C5: variants seen among roughly 807,000 people sequenced by gnomAD.
C5 encodes the protein C3 and PZP-like alpha-2-macroglobulin domain-containing protein 4.
Under a neutral mutation model 218.8 loss-of-function variants are expected in C5, and 140 were observed. The observed-to-expected ratio is 0.64, with a 90% confidence interval of 0.56 to 0.74. C5 has a LOEUF of 0.74. Ranked by LOEUF, C5 falls within the 30% of genes least tolerant of loss-of-function variation. C5 has a pLI of 0.00. For missense variants in C5, 1,700 were observed against 1,969.6 expected, an observed-to-expected ratio of 0.86 and a Z score of 2.59; for synonymous variants, 614 against 682.3, an observed-to-expected ratio of 0.90 and a Z score of 1.56.
intron 38 of C5, 49 bp from the exon 39 acceptor site, chr9:120,957,417 A>C: frequency 7.2e-7 from 1 of 1,381,302 alleles, no homozygotes; most frequent in Non-Finnish European, 1.0e-6. Flanking sequence ...AATACTATTA[A>C]TGCTATGTCC....
At chr9:121,026,854 G>T (rs2047428315) in intron 8 of C5, among the ~76,000 whole-genome samples, 1 of 152,070 alleles carries the variant, frequency 6.6e-6, no homozygotes, top group African/African-American at 2.4e-5. Flanking sequence ...ATGGGAAAGA[G>T]CATTTTCAAG....
At position 120,989,578 on chromosome 9, in the gene C5, T is replaced by C; in HGVS notation, c.3144A>G (p.Lys1048=). The C allele has an allele frequency of 6.2e-7, 1 of 1,601,538 alleles. No homozygotes were observed. Among genetic ancestry groups the C allele is most frequent in the Non-Finnish European group, 8.5e-7 (1 of 1,171,482 alleles). ...ACTTTTTTTTTTTACCTTCTTTTAA[T>C]TTTTTCTTCAGTTTCTGCTTTTCAA... is the stretch of plus-strand genomic sequence containing the variant. ...PLIEKQKLKK[K]LKEGMLSIMS... Residue 1048 remains lysine, a synonymous_variant, in exon 24 of 41, where the codon AAA becomes AAG. Transcript: ENST00000223642.
the C5 span, among the ~76,000 whole-genome samples, chr9:121,067,566 TA>T: frequency 0.034 from 4,124 of 121,452 alleles, 139 homozygotes; most frequent in African/African-American, 0.1. Flanking sequence ...AGGCTCCATC[TA>T]AAAAAAAAAA....
At chr9:120,977,532 T>C (rs1207080967) in intron 28 of C5, among the ~76,000 whole-genome samples, 3 of 152,176 alleles carry the variant, frequency 2.0e-5, no homozygotes, top group Non-Finnish European at 4.4e-5. Flanking sequence ...TGTAGCTCAC[T>C]GCAGCCTCAA....
chr9:121,010,636 C>G (rs2047254021), intron 17 of C5, among the ~76,000 whole-genome samples: 1 of 151,970 alleles, frequency 6.6e-6, no homozygotes, highest in African/African-American at 2.4e-5. Flanking sequence ...GAAAAAAAAT[C>G]CTAAAATTCA....
chr9:120,957,238 C>G, intron 39 of C5, 47 bp downstream of exon 39: 1 of 1,260,456 alleles, frequency 7.9e-7, no homozygotes, highest in Non-Finnish European at 1.2e-6. Flanking sequence ...ATAGTCAGTA[C>G]TAAATAGTTG....
At chr9:120,983,470 T>C (rs931615413) in intron 25 of C5, among the ~76,000 whole-genome samples, 1 of 152,222 alleles carries the variant, frequency 6.6e-6, no homozygotes, top group Non-Finnish European at 1.5e-5. Flanking sequence ...TCCTCAAATG[T>C]CTGAGACTCA....
At chr9:121,001,544 T>C (rs530393228) in intron 20 of C5, among the ~76,000 whole-genome samples, 49 of 152,322 alleles carry the variant, frequency 3.2e-4, no homozygotes, top group African/African-American at 1.0e-3. Flanking sequence ...TTAAATATTA[T>C]GTAGTTGTAT....
At chr9:121,030,567 G>T in intron 6 of C5, 80 bp from the exon 7 acceptor site, 1 of 755,104 alleles carries the variant, frequency 1.3e-6, no homozygotes, top group Non-Finnish European at 2.2e-6. Flanking sequence ...TAGACTTTCT[G>T]GTATAGTTGG....
At chr9:121,029,368 A>G (rs774819562) in intron 7 of C5, among the ~76,000 whole-genome samples, 3 of 152,230 alleles carry the variant, frequency 2.0e-5, no homozygotes, top group Non-Finnish European at 4.4e-5. Context: ...AGGCTGTGCA[A>G]CTTACTAGCT....
the C5 span, among the ~76,000 whole-genome samples, chr9:121,065,024 T>G: frequency 6.6e-6 from 1 of 152,068 alleles, no homozygotes; most frequent in Non-Finnish European, 1.5e-5. Context: ...AGGCCAAGAT[T>G]GTGCCACTGT....
chr9:120,968,843 CAGAAGACAAAACAGACAG>C (rs2046888256), intron 33 of C5, among the ~76,000 whole-genome samples, 200 bp downstream of exon 33: 1 of 152,120 alleles, frequency 6.6e-6, no homozygotes, highest in Non-Finnish European at 1.5e-5. Context: ...CTGTTTGAAT[CAGAAGACAAAACAGACAG>C]AGAAAACTAT....
intron 20 of C5, among the ~76,000 whole-genome samples, chr9:121,005,377 T>C (rs1437102392): frequency 6.6e-6 from 1 of 152,024 alleles, no homozygotes; most frequent in Non-Finnish European, 1.5e-5. Context: ...TAAAGGACAA[T>C]AAAAGGGATT....
intron 18 of C5, 96 bp downstream of exon 18, chr9:121,008,312 T>C (rs895046472): frequency 1.8e-5 from 16 of 873,720 alleles, no homozygotes; most frequent in Admixed American, 9.0e-5. Flanking sequence ...TTAACTCCTA[T>C]GCAAGCTATT....
intron 30 of C5, among the ~76,000 whole-genome samples, chr9:120,973,269 T>G (rs947157737): frequency 6.6e-6 from 1 of 152,126 alleles, no homozygotes; most frequent in African/African-American, 2.4e-5. Context: ...ATTATCCCTA[T>G]AGAGAAGAAT....
the C5 span, among the ~76,000 whole-genome samples, chr9:121,061,572 T>C: frequency 1.3e-5 from 2 of 152,196 alleles, no homozygotes; most frequent in Admixed American, 6.5e-5. Context: ...CTTTCATCTG[T>C]AGTCTTTCCC....
chr9:121,049,612 T>C (rs2047656291), intron 1 of C5, among the ~76,000 whole-genome samples: 1 of 152,174 alleles, frequency 6.6e-6, no homozygotes, highest in Non-Finnish European at 1.5e-5. Context: ...ATATATAAAA[T>C]GAATAGGTTT....
rs909470612 is a variant in C5, at chr9:121,017,653, T to C, written c.1706A>G (p.Asn569Ser). Reference sequence around the variant, plus strand: ...TAATTTGTGGCTTACCTGGAGCTGGTTGCCACATTTTTCTTCAATATTTAA... The same window carrying C: ...TAATTTGTGGCTTACCTGGAGCTGGCTGCCACATTTTTCTTCAATATTTAA... ...VWLNIEEKCG[N>S]QLQVHLSPDA... Residue 569 changes from asparagine (N) to serine (S), a missense_variant, in exon 13 of 41, where the codon AAC (asparagine) becomes AGC (serine). By Grantham distance (46) the Asn-to-Ser change is conservative (BLOSUM62 1). Coordinates refer to ENST00000223642, the MANE Select transcript of C5 (RefSeq NM_001735.3). 1.9e-6 allele frequency: 3 copies of C among 1,613,220 alleles called. No individual in the cohort carries two copies. The highest frequency in any genetic ancestry group is 1.6e-4 in the Middle Eastern group (1 of 6,062).
At position 120,997,706 on chromosome 9, in the gene C5, G is replaced by T; in HGVS notation, c.2631C>A (p.Gly877=). The T allele has an allele frequency of 6.2e-7, 1 of 1,614,176 alleles. No homozygotes were observed. The highest frequency in any genetic ancestry group is 8.5e-7 in the Non-Finnish European group (1 of 1,180,036). ...TSESPVIDHQ[G]TKSSKCVRQK... ...GGCGCACACATTTGGAGGACTTTGT[G>T]CCCTGATGATCAATGACTGGGCTTT... The change falls in exon 21 of 41, where the codon GGC becomes GGA. Residue 877 remains glycine, a synonymous_variant. Coordinates refer to ENST00000223642, the MANE Select transcript of C5 (RefSeq NM_001735.3).
Sources: gnomAD v4.1 joint callset for allele counts (sites outside exome capture counted in the v4.1 genomes callset) on GRCh38, gnomAD v4.1.1 for gene constraint, MANE v1.5 for transcripts, NCBI Gene and HGNC (gene_info 2026-07-23, HGNC 2026-07-21) for gene names.